Variants in ABCB4 observed in about 807,000 individuals in gnomAD.
ABCB4 encodes the protein ATP binding cassette subfamily B member 4, also known as phosphatidylcholine translocator ABCB4.
A neutral mutation model predicts 145.7 loss-of-function variants in ABCB4; 76 were observed. That is an observed-to-expected ratio of 0.52 (90% CI 0.43 to 0.63). The LOEUF (loss-of-function observed/expected upper bound fraction) is 0.63. ABCB4 is among the 30% of genes least tolerant of loss of function. ABCB4 has a pLI of 0.00. For synonymous variants in ABCB4, 517 were observed against 566.8 expected, an observed-to-expected ratio of 0.91 and a Z score of 1.25; for missense variants, 1,234 against 1,553.1, an observed-to-expected ratio of 0.79 and a Z score of 3.45.
chr7:87,433,781 C>A (rs772854595), intron 14 of ABCB4, among the ~76,000 whole-genome samples: 5 of 147,820 alleles, frequency 3.4e-5, no homozygotes, highest in Admixed American at 6.8e-5. Flanking sequence ...GAAATTTAGA[C>A]CTTTGACTAA....
chr7:87,393,081 T>C, the ABCB4 span: 1 of 1,610,196 alleles, frequency 6.2e-7, no homozygotes, highest in Non-Finnish European at 8.5e-7. Context: ...AGGCTTCTCT[T>C]TTTTATTCTT....
At chr7:87,377,379 A>G in the ABCB4 span, 6 of 1,610,730 alleles carry the variant, frequency 3.7e-6, no homozygotes, top group South Asian at 2.2e-5. Context: ...TGGAGATCCA[A>G]CAGTACGCTG....
At chr7:87,396,065 A>G in the ABCB4 span, among the ~76,000 whole-genome samples, 1 of 152,164 alleles carries the variant, frequency 6.6e-6, no homozygotes. Context: ...TTTACGACAG[A>G]GCCAGTCTAG....
chr7:87,432,628 T>C (rs1810324060), intron 14 of ABCB4, among the ~76,000 whole-genome samples: 1 of 152,198 alleles, frequency 6.6e-6, no homozygotes, highest in Admixed American at 6.5e-5. Flanking sequence ...TCACAAAAGA[T>C]GACACATGGT....
intron 3 of ABCB4, among the ~76,000 whole-genome samples, chr7:87,470,887 T>C (rs1224426637): frequency 2.0e-5 from 3 of 152,244 alleles, no homozygotes; most frequent in Admixed American, 6.5e-5. Context: ...CAAAGGAATA[T>C]AAATCATGCT....
chr7:87,417,070 C>T (rs1809024480), intron 21 of ABCB4, among the ~76,000 whole-genome samples: 1 of 152,204 alleles, frequency 6.6e-6, no homozygotes, highest in South Asian at 2.1e-4. Context: ...TTTGAATATT[C>T]AGAAGTTCTT....
At chr7:87,447,428 T>A (rs1409596418) in intron 8 of ABCB4, among the ~76,000 whole-genome samples, 1 of 152,146 alleles carries the variant, frequency 6.6e-6, no homozygotes, top group Admixed American at 6.5e-5. Flanking sequence ...TTTCCCTTCA[T>A]CCATTCCAAG....
In ABCB4 at chr7:87,420,050, T is replaced by C; in HGVS notation, c.2342A>G (p.Glu781Gly). 1 of 1,614,166 alleles carries C rather than the reference T, an allele frequency of 6.2e-7. No individual in the cohort carries two copies. The highest frequency in any genetic ancestry group is 1.1e-5 in the South Asian group (1 of 91,086). ...TGACCGCAGTCTTCTGGTGAGGATCTCGCCAGCTTTCCCAAACGTGAAACC... is the reference window on the plus strand; with the variant it reads ...TGACCGCAGTCTTCTGGTGAGGATCCCGCCAGCTTTCCCAAACGTGAAACC... ...LQGFTFGKAG[E>G]ILTRRLRSMA... Residue 781 changes from glutamate (E) to glycine (G), a missense_variant, in exon 19 of 28, where the codon GAG becomes GGG. Around this residue, in one of 7 missense-constraint regions of ABCB4, gnomAD observed 321 missense variants for 332.6 expected, o/e 0.97. Transcript: ENST00000649586.
chr7:87,392,500 T>C, the ABCB4 span: 2 of 1,263,544 alleles, frequency 1.6e-6, no homozygotes, highest in East Asian at 4.6e-5. Flanking sequence ...ACAATGAGCT[T>C]AGGATTTTTT....
At chr7:87,419,802 AC>A (rs1809280937) in intron 19 of ABCB4, among the ~76,000 whole-genome samples, 195 bp downstream of exon 19, 6 of 137,934 alleles carry the variant, frequency 4.3e-5, no homozygotes, top group Admixed American at 1.4e-4. Flanking sequence ...AAAAACAAAA[AC>A]AAAAAAAAAA....
At chr7:87,366,520 G>A in the ABCB4 span, among the ~76,000 whole-genome samples, 8 of 152,030 alleles carry the variant, frequency 5.3e-5, no homozygotes, top group Admixed American at 3.9e-4. Context: ...AATTGTAGAC[G>A]ATCCATAGGC....
intron 3 of ABCB4, among the ~76,000 whole-genome samples, chr7:87,469,262 A>G (rs974533345): frequency 5.3e-5 from 8 of 152,336 alleles, no homozygotes; most frequent in African/African-American, 1.9e-4. Context: ...CCCATAGCCA[A>G]TATCATACTG....
intron 4 of ABCB4, among the ~76,000 whole-genome samples, chr7:87,460,003 G>A (rs1812344468): frequency 6.6e-6 from 1 of 152,110 alleles, no homozygotes; most frequent in Admixed American, 6.6e-5. Flanking sequence ...AAACGTCTTT[G>A]TAGTTTCTTT....
chr7:87,454,643 G>A, intron 4 of ABCB4, 51 bp from the exon 5 acceptor site: 1 of 1,299,664 alleles, frequency 7.7e-7, no homozygotes. Flanking sequence ...CTATTAATAG[G>A]CATTGCCAGG....
the ABCB4 span, among the ~76,000 whole-genome samples, chr7:87,391,095 G>T: frequency 1.3e-5 from 2 of 152,214 alleles, no homozygotes; most frequent in Non-Finnish European, 2.9e-5. Context: ...CCTAGCTGTT[G>T]TCCAGAGGGT....
At chr7:87,423,652 A>C in intron 17 of ABCB4, 1 of 483,008 alleles carries the variant, frequency 2.1e-6, no homozygotes, top group East Asian at 4.0e-5. Context: ...AGTTTCACCA[A>C]ATGAAGAGAG....
At chr7:87,375,667 A>G in the ABCB4 span, 2 of 1,613,532 alleles carry the variant, frequency 1.2e-6, no homozygotes, top group Non-Finnish European at 1.7e-6. Flanking sequence ...TGCCATAGTG[A>G]ACCTGATGGA....
At position 87,422,215 on chromosome 7, in the gene ABCB4, G is replaced by A; in HGVS notation, c.2222C>T (p.Pro741Leu). Residue 741 changes from proline to leucine, a missense_variant, in exon 18 of 28, where the codon CCA becomes CTA. Coordinates refer to ENST00000649586, the MANE Select transcript of ABCB4 (RefSeq NM_000443.4). ...CTGCTGCTTCACTGCATCATCGCCT[G>A]GTCCAAAAATCTACAAAAGAATATT... ...IFSEIIAIFG[P>L]GDDAVKQQKC... 6.2e-7 allele frequency: 1 copy of A among 1,612,678 alleles called. No individual in the cohort carries two copies. The highest frequency in any genetic ancestry group is 8.5e-7 in the Non-Finnish European group (1 of 1,179,000).
chr7:87,381,615 A>T, the ABCB4 span, among the ~76,000 whole-genome samples: 1 of 152,172 alleles, frequency 6.6e-6, no homozygotes, highest in African/African-American at 2.4e-5. Flanking sequence ...TAAAAATAGC[A>T]ATTAATTTAT....
Sources: allele counts gnomAD v4.1 joint callset (sites outside exome capture counted in the v4.1 genomes callset), GRCh38; gene constraint gnomAD v4.1.1; regional missense constraint gnomAD v4.1.1; transcripts MANE v1.5; gene names NCBI Gene and HGNC (gene_info 2026-07-23, HGNC 2026-07-21).